NRP1: variants seen among roughly 807,000 people sequenced by gnomAD.
NRP1 encodes neuropilin 1.
A neutral mutation model predicts 106.7 loss-of-function variants in NRP1; 35 were observed. The ratio of observed to expected loss-of-function variants is 0.33; its 90% CI spans 0.25 to 0.43. The LOEUF (loss-of-function observed/expected upper bound fraction) is 0.43. Ranked by LOEUF, NRP1 falls within the 20% of genes least tolerant of loss-of-function variation. The probability of loss-of-function intolerance (pLI) is 1.00; values close to 1 mark genes in which losing one functional copy is unlikely to be tolerated. For synonymous variants in NRP1, 437 were observed against 417.9 expected (o/e 1.05, Z -0.56); for missense variants, 1,024 against 1,170.4 (o/e 0.87, Z 1.83).
intron 4 of NRP1, 41 bp from the exon 5 acceptor site, chr10:33,256,512 C>T: frequency 6.2e-7 from 1 of 1,601,534 alleles, no homozygotes; most frequent in Non-Finnish European, 8.6e-7. Context: ...AATGTCTTTT[C>T]TCCTGCAGCA....
At chr10:33,207,157 T>C (rs1299852545) in intron 10 of NRP1, among the ~76,000 whole-genome samples, 1 of 152,158 alleles carries the variant, frequency 6.6e-6, no homozygotes, top group African/African-American at 2.4e-5. Context: ...GCCTGCTTTC[T>C]GGGTAAGGGG....
Position 33,334,323 on chromosome 10 carries a change from G to A in NRP1, c.60C>T (p.Gly20=), listed in dbSNP as rs3750733. The A allele has an allele frequency of 0.094, 144,844 of 1,542,044 alleles. 7,778 individuals are homozygous for A. Among genetic ancestry groups the A allele is most frequent in the East Asian group, 0.2 (8,075 of 40,664 alleles). Residue 20 remains glycine, a synonymous_variant, in exon 1 of 17, where the codon GGC becomes GGT. Transcript: ENST00000374867. ...AVLALVLAPA[G]AFRNDKCGDT... is the part of the protein sequence containing the mutation. ...CCTGTCACTTACCGTTGCGAAAAGC[G>A]CCGGCCGGGGCGAGGACGAGGGCGA...
intron 2 of NRP1, among the ~76,000 whole-genome samples, chr10:33,275,710 C>A (rs1164737425): frequency 2.0e-5 from 3 of 150,846 alleles, no homozygotes; most frequent in Non-Finnish European, 4.4e-5. Context: ...CGAGCCTGAG[C>A]AACAAAGCAA....
intron 2 of NRP1, among the ~76,000 whole-genome samples, chr10:33,276,723 G>A (rs1305048056): frequency 1.3e-5 from 2 of 152,110 alleles, no homozygotes; most frequent in South Asian, 2.1e-4. Context: ...AACTATCGGT[G>A]ATTCATTTTT....
intron 6 of NRP1, among the ~76,000 whole-genome samples, chr10:33,237,332 A>T (rs1315388535): frequency 6.6e-6 from 1 of 152,050 alleles, no homozygotes; most frequent in Non-Finnish European, 1.5e-5. Context: ...AGAAGGGAAA[A>T]TTACTTCTGG....
intron 2 of NRP1, among the ~76,000 whole-genome samples, chr10:33,286,437 A>G (rs1211799534): frequency 1.3e-5 from 2 of 152,110 alleles, no homozygotes; most frequent in Non-Finnish European, 2.9e-5. Context: ...CCTTCCTGCT[A>G]ATCTGGGACC....
chr10:33,195,711 T>C (rs1418791048), intron 12 of NRP1: 1 of 372,052 alleles, frequency 2.7e-6, no homozygotes, highest in African/African-American at 2.1e-5. Flanking sequence ...AGCCAGAAGG[T>C]GACAATCAAC....
intron 2 of NRP1, among the ~76,000 whole-genome samples, chr10:33,314,544 A>C (rs1268002355): frequency 6.6e-6 from 1 of 152,140 alleles, no homozygotes; most frequent in Non-Finnish European, 1.5e-5. Context: ...GAAAGATAAA[A>C]CCAGCTGTGG....
At chr10:33,231,824 G>T (rs1252537947) in intron 6 of NRP1, among the ~76,000 whole-genome samples, 1 of 152,170 alleles carries the variant, frequency 6.6e-6, no homozygotes, top group Non-Finnish European at 1.5e-5. Flanking sequence ...GTAGGAGCTT[G>T]TGAGTGGACA....
chr10:33,276,265 AAAC>A (rs1052865453), intron 2 of NRP1, among the ~76,000 whole-genome samples: 41 of 152,154 alleles, frequency 2.7e-4, no homozygotes, highest in Non-Finnish European at 4.6e-4. Context: ...TTTGTTGATA[AAAC>A]AACAACAACA....
rs769838586 is a variant in NRP1, at chr10:33,202,922, G to A, written c.1833C>T (p.His611=). Residue 611 remains histidine, a synonymous_variant, in exon 11 of 17, where the codon CAC becomes CAT. Coordinates refer to ENST00000374867, the MANE Select transcript of NRP1 (RefSeq NM_003873.7). ...GCTGGAAGTCATCACCTGTTCCACT[G>A]TGGCAGTTGGCCTGGTCGTCATCAC... ...DECDDDQANC[H]SGTGDDFQLT... 3.1e-6 allele frequency: 5 copies of A among 1,614,110 alleles called. No individual in the cohort carries two copies. The African/African-American group carries it at 5.3e-5, about 17-fold the overall frequency.
intron 2 of NRP1, among the ~76,000 whole-genome samples, chr10:33,277,120 A>G (rs1843757701): frequency 6.6e-6 from 1 of 152,060 alleles, no homozygotes; most frequent in Admixed American, 6.5e-5. Context: ...TTAAAAAAAA[A>G]AAAAAGAAAA....
At chr10:33,262,862 T>G (rs1242753658) in intron 4 of NRP1, among the ~76,000 whole-genome samples, 1 of 152,214 alleles carries the variant, frequency 6.6e-6, no homozygotes, top group African/African-American at 2.4e-5. Context: ...TAACATTTCA[T>G]GCACATAATT....
chr10:33,246,130 C>CTT (rs59011940), intron 6 of NRP1, among the ~76,000 whole-genome samples: 53 of 141,430 alleles, frequency 3.7e-4, no homozygotes, highest in East Asian at 2.2e-3. Context: ...TAATTTCTTT[C>CTT]TTTTTTTTTT....
intron 11 of NRP1, among the ~76,000 whole-genome samples, chr10:33,200,703 G>A (rs993180725): frequency 3.9e-5 from 6 of 152,238 alleles, no homozygotes; most frequent in South Asian, 2.1e-4. Context: ...AATTGCTTGT[G>A]AGCATAGGAG....
At chr10:33,248,744 G>A (rs1227211043) in intron 6 of NRP1, among the ~76,000 whole-genome samples, 1 of 152,154 alleles carries the variant, frequency 6.6e-6, no homozygotes, top group Non-Finnish European at 1.5e-5. Context: ...TTGCCTCAAG[G>A]GTTTGCTGAT....
Position 33,221,703 on chromosome 10 carries a change from A to G in NRP1, c.1282+16T>C, listed in dbSNP as rs768966047. On this transcript the variant is annotated intron_variant, in intron 8 of 16. Coordinates refer to ENST00000374867, the MANE Select transcript of NRP1 (RefSeq NM_003873.7). ...TTCGACTTGGAAGATTCAGTCTTCAATCTTCCACAGCTTACCTGTTATCTT... is the reference window on the plus strand; with the variant it reads ...TTCGACTTGGAAGATTCAGTCTTCAGTCTTCCACAGCTTACCTGTTATCTT... 54 of 1,607,726 alleles carry G rather than the reference A, an allele frequency of 3.4e-5. No homozygotes were observed. The highest frequency in any genetic ancestry group is 2.3e-4 in the African/African-American group (17 of 74,856).
chr10:33,273,255 C>T (rs928255002), intron 2 of NRP1, among the ~76,000 whole-genome samples: 1 of 152,180 alleles, frequency 6.6e-6, no homozygotes. Context: ...AAAGTACTAT[C>T]CAACAGGGCC....
intron 2 of NRP1, among the ~76,000 whole-genome samples, chr10:33,306,537 T>C (rs1171938466): frequency 6.6e-6 from 1 of 152,208 alleles, no homozygotes; most frequent in African/African-American, 2.4e-5. Flanking sequence ...GTAAAACATA[T>C]CTTATCCCTG....
Sources: allele counts gnomAD v4.1 joint callset (sites outside exome capture counted in the v4.1 genomes callset), GRCh38; gene constraint gnomAD v4.1.1; transcripts MANE v1.5; gene names NCBI Gene and HGNC (gene_info 2026-07-23, HGNC 2026-07-21).